Variants in QKI observed in about 807,000 individuals in gnomAD.
QKI encodes KH domain-containing RNA-binding protein QKI.
A neutral mutation model predicts 39.0 loss-of-function variants in QKI; 10 were observed. The ratio of observed to expected loss-of-function variants is 0.26; its 90% CI spans 0.16 to 0.43. The LOEUF is 0.43. Among genes scored for constraint, QKI ranks in the 20% least tolerant of loss-of-function variants. QKI has a pLI of 1.00. For synonymous variants in QKI, 204 were observed against 155.4 expected, an observed-to-expected ratio of 1.31 and a Z score of -2.33; for missense variants, 218 against 428.0, an observed-to-expected ratio of 0.51 and a Z score of 4.33.
intron 3 of QKI, among the ~76,000 whole-genome samples, chr6:163,525,304 C>CCTCTCTCCTCTTTTCT (rs1562513049): frequency 6.7e-6 from 1 of 149,804 alleles, no homozygotes. Context: ...CTCTCTCTCC[C>CCTCTCTCCTCTTTTCT]CTCTCTCCTC....
chr6:163,470,395 A>G (rs934082671), intron 2 of QKI, among the ~76,000 whole-genome samples: 2 of 152,132 alleles, frequency 1.3e-5, no homozygotes, highest in Admixed American at 1.3e-4. Flanking sequence ...GTGAAATTGC[A>G]TTGATCCTGG....
At chr6:163,562,938 G>C (rs1783123252) in intron 5 of QKI, among the ~76,000 whole-genome samples, 1 of 152,176 alleles carries the variant, frequency 6.6e-6, no homozygotes, top group Admixed American at 6.5e-5. Flanking sequence ...TGCAGGAAAT[G>C]TACATATATA....
At chr6:163,467,521 A>G (rs1353753587) in intron 2 of QKI, among the ~76,000 whole-genome samples, 1 of 152,242 alleles carries the variant, frequency 6.6e-6, no homozygotes, top group Non-Finnish European at 1.5e-5. Flanking sequence ...TTGTTTTTAC[A>G]TAGCCTTGTA....
intron 1 of QKI, among the ~76,000 whole-genome samples, chr6:163,425,690 C>G (rs1173851818): frequency 1.3e-5 from 2 of 152,002 alleles, no homozygotes; most frequent in African/African-American, 4.8e-5. Context: ...TAACTAGAAA[C>G]AAGTCTTTGT....
chr6:163,421,122 T>A (rs1006885200), intron 1 of QKI, among the ~76,000 whole-genome samples: 1 of 152,226 alleles, frequency 6.6e-6, no homozygotes, highest in Non-Finnish European at 1.5e-5. Context: ...CTAATAATTT[T>A]AAGAAATGAA....
chr6:163,421,532 C>CT (rs958014837), intron 1 of QKI, among the ~76,000 whole-genome samples: 2 of 151,682 alleles, frequency 1.3e-5, no homozygotes, highest in African/African-American at 4.9e-5. Context: ...TCCCTAAGTG[C>CT]TGCTTTGGTG....
At chr6:163,437,564 T>C (rs1336515748) in intron 1 of QKI, among the ~76,000 whole-genome samples, 2 of 152,120 alleles carry the variant, frequency 1.3e-5, no homozygotes, top group Non-Finnish European at 2.9e-5. Flanking sequence ...CCTGAAGTAA[T>C]TGAGATTTTT....
At chr6:163,538,777 A>C (rs1781348104) in intron 4 of QKI, among the ~76,000 whole-genome samples, 1 of 152,180 alleles carries the variant, frequency 6.6e-6, no homozygotes, top group Non-Finnish European at 1.5e-5. Context: ...GGTGCTGAGA[A>C]GTAGTAAGAT....
chr6:163,427,549 G>A (rs1429914331), intron 1 of QKI, among the ~76,000 whole-genome samples: 3 of 151,738 alleles, frequency 2.0e-5, no homozygotes, highest in Non-Finnish European at 4.4e-5. Flanking sequence ...TTGACTTTTT[G>A]ATGCTGTCAT....
At chr6:163,421,916 TG>T (rs1168504214) in intron 1 of QKI, among the ~76,000 whole-genome samples, 1 of 151,896 alleles carries the variant, frequency 6.6e-6, no homozygotes, top group Non-Finnish European at 1.5e-5. Flanking sequence ...GGCTAATTTT[TG>T]TATTTTTAGT....
intron 4 of QKI, among the ~76,000 whole-genome samples, chr6:163,548,131 G>A (rs1475678245): frequency 6.6e-6 from 1 of 151,960 alleles, no homozygotes; most frequent in African/African-American, 2.4e-5. Flanking sequence ...ATAGTAGAAT[G>A]CATTGTCTAT....
intron 7 of QKI, chr6:163,568,083 G>A: frequency 1.0e-6 from 1 of 985,316 alleles, no homozygotes; most frequent in Non-Finnish European, 1.2e-6. Context: ...CTATGAGGAT[G>A]GTATTCCTTG....
intron 1 of QKI, among the ~76,000 whole-genome samples, chr6:163,454,305 T>C (rs1012386235): frequency 6.6e-6 from 1 of 152,094 alleles, no homozygotes; most frequent in Non-Finnish European, 1.5e-5. Flanking sequence ...ATTCTCCTAC[T>C]TTTAAAAAAA....
chr6:163,498,283 T>G (rs1209730064), intron 3 of QKI, among the ~76,000 whole-genome samples: 4 of 151,772 alleles, frequency 2.6e-5, no homozygotes, highest in Non-Finnish European at 5.9e-5. Context: ...ACAGCACAGA[T>G]AAAGACCATT....
chr6:163,577,342 C>T lies in QKI; in HGVS notation c.*6632C>T, dbSNP rs999598633. ...AAAGGTGTGTTTGGTTTGGCTTATA[C>T]GGTGTTTTGCTTTTTAAACTACTTG... On this transcript the variant is annotated 3_prime_UTR_variant, in exon 8 of 8. Transcript: ENST00000361752. 6.6e-6 allele frequency: 1 copy of T among 151,568 alleles called. No homozygotes were observed. Among genetic ancestry groups the T allele is most frequent in the African/African-American group, 2.4e-5 (1 of 41,090 alleles). 9.4% of individuals were successfully genotyped at this position (151,568 alleles called of 1,614,324 possible). A position where few individuals can be genotyped will look rare whatever the true frequency, so the allele number is the denominator to read the frequency against.
At chr6:163,561,257 CGT>C (rs1257346080) in intron 4 of QKI, among the ~76,000 whole-genome samples, 7 of 152,034 alleles carry the variant, frequency 4.6e-5, no homozygotes, top group Admixed American at 1.3e-4. Context: ...TGTGCACGCG[CGT>C]GTGTGTATGT....
At chr6:163,420,056 A>G (rs1319665881) in intron 1 of QKI, among the ~76,000 whole-genome samples, 1 of 152,106 alleles carries the variant, frequency 6.6e-6, no homozygotes, top group Non-Finnish European at 1.5e-5. Flanking sequence ...AAGTATAATA[A>G]AACCCTCATG....
chr6:163,512,490 T>C (rs1173020786), intron 3 of QKI, among the ~76,000 whole-genome samples: 1 of 152,028 alleles, frequency 6.6e-6, no homozygotes, highest in Non-Finnish European at 1.5e-5. Flanking sequence ...GTAACATAGC[T>C]TGAAAATATA....
chr6:163,530,236 T>G (rs907168578), intron 3 of QKI, among the ~76,000 whole-genome samples: 31 of 152,164 alleles, frequency 2.0e-4, no homozygotes, highest in African/African-American at 7.0e-4. Context: ...TAGAACACAG[T>G]TTCTAATAAA....
Sources: gnomAD v4.1 joint callset for allele counts (sites outside exome capture counted in the v4.1 genomes callset) on GRCh38, gnomAD v4.1.1 for gene constraint, MANE v1.5 for transcripts, NCBI Gene and HGNC (gene_info 2026-07-23, HGNC 2026-07-21) for gene names.